The following EGF variants were observed in gnomAD, a reference collection of about 807,000 sequenced individuals.
EGF encodes epidermal growth factor.
Under a neutral mutation model 143.8 loss-of-function variants are expected in EGF, and 95 were observed. The ratio of observed to expected loss-of-function variants is 0.66; its 90% CI spans 0.56 to 0.78. The LOEUF is 0.78. Among genes scored for constraint, EGF ranks in the 30% least tolerant of loss-of-function variants. The probability of loss-of-function intolerance (pLI) is 0.00; values close to 1 mark genes in which losing one functional copy is unlikely to be tolerated. For missense variants in EGF, 1,320 were observed against 1,470.9 expected (o/e 0.90, Z 1.68); for synonymous variants, 510 against 510.5 (o/e 1.00, Z 0.01).
At chr4:109,986,782 A>C (rs1372383450) in intron 16 of EGF, among the ~76,000 whole-genome samples, 4 of 152,124 alleles carry the variant, frequency 2.6e-5, no homozygotes, top group Non-Finnish European at 5.9e-5. Flanking sequence ...TTATGGCTCA[A>C]CATATAACTC....
At chr4:110,002,327 A>C (rs1228672758) in intron 21 of EGF, among the ~76,000 whole-genome samples, 2 of 152,122 alleles carry the variant, frequency 1.3e-5, no homozygotes, top group African/African-American at 2.4e-5. Flanking sequence ...CCCTGCCTCT[A>C]CTAAAATTAC....
intron 23 of EGF, among the ~76,000 whole-genome samples, chr4:110,008,835 G>A (rs927254238): frequency 3.9e-5 from 6 of 152,290 alleles, no homozygotes; most frequent in South Asian, 4.1e-4. Flanking sequence ...ACCCTTAAGA[G>A]TTGTATTATG....
chr4:110,006,293 T>C (rs980382036), intron 22 of EGF, among the ~76,000 whole-genome samples: 4 of 151,620 alleles, frequency 2.6e-5, no homozygotes, highest in Admixed American at 2.0e-4. Flanking sequence ...TGCAGTGAGC[T>C]ATGATAGCAC....
chr4:110,011,261 C>A lies in EGF; in HGVS notation c.3430C>A (p.Gln1144Lys), dbSNP rs777195383. 2.5e-6 allele frequency: 4 copies of A among 1,614,144 alleles called. No homozygotes were observed. The highest frequency in any genetic ancestry group is 3.4e-6 in the Non-Finnish European group (4 of 1,180,018). Residue 1144 changes from glutamine to lysine, a missense_variant, in exon 24 of 24, where the codon CAA becomes AAA. By Grantham distance (53) the Gln-to-Lys change is moderately conservative. This residue lies in a region of EGF where 1,186 missense variants were observed against 1,313.7 expected (regional missense o/e 0.90). Coordinates refer to ENST00000265171, the MANE Select transcript of EGF (RefSeq NM_001963.6). ...EPQLCGMGTEQGCWIPVSSDK... is the reference protein window; with the variant it reads ...EPQLCGMGTEKGCWIPVSSDK... The stretch of plus-strand genomic sequence containing the variant: ...CCAGTTATGTGGAATGGGCACAGAG[C>A]AAGGCTGCTGGATTCCAGTATCCAG...
chr4:109,950,740 G>A (rs538744171), intron 5 of EGF, among the ~76,000 whole-genome samples: 13 of 152,046 alleles, frequency 8.6e-5, no homozygotes, highest in Admixed American at 2.0e-4. Context: ...TGCCACCTCC[G>A]TCCCTTCACC....
intron 1 of EGF, among the ~76,000 whole-genome samples, chr4:109,920,497 G>A (rs1412273306): frequency 6.6e-6 from 1 of 151,484 alleles, no homozygotes; most frequent in Non-Finnish European, 1.5e-5. Context: ...GCAGGCCCTG[G>A]AATCTCTCAG....
intron 14 of EGF, 123 bp downstream of exon 14, chr4:109,980,262 A>C: frequency 4.9e-6 from 5 of 1,021,722 alleles, no homozygotes; most frequent in Non-Finnish European, 6.9e-6. Context: ...AACTGTGTAG[A>C]TGTTAAGATT....
chr4:109,927,827 G>A (rs1738992441), intron 1 of EGF, among the ~76,000 whole-genome samples: 2 of 150,666 alleles, frequency 1.3e-5, no homozygotes, highest in Admixed American at 1.3e-4. Context: ...GTGTGTGTGT[G>A]TGTGTGTGTG....
intron 1 of EGF, among the ~76,000 whole-genome samples, chr4:109,926,245 C>T (rs7699332): frequency 0.13 from 19,734 of 151,728 alleles, 1,886 homozygotes; most frequent in African/African-American, 0.26. Flanking sequence ...CTTGGCTTTT[C>T]GGAAGGCTGA....
intron 5 of EGF, among the ~76,000 whole-genome samples, chr4:109,953,600 A>G (rs1744293763): frequency 6.6e-6 from 1 of 152,202 alleles, no homozygotes; most frequent in Non-Finnish European, 1.5e-5. Context: ...AAAGTCATGG[A>G]TTTTTAAAAA....
intron 5 of EGF, among the ~76,000 whole-genome samples, chr4:109,947,176 A>G (rs370421242): frequency 3.0e-5 from 3 of 100,018 alleles, no homozygotes; most frequent in African/African-American, 2.4e-4. Context: ...CAAGGGGCCT[A>G]CAGAAAAAAA....
rs1431005496 is a variant in EGF, at chr4:109,943,987, T to C, written c.655T>C (p.Tyr219His). 2 of 1,614,178 alleles carry C rather than the reference T, an allele frequency of 1.2e-6. No homozygotes were observed. Among genetic ancestry groups the C allele is most frequent in the Middle Eastern group, 1.6e-4 (1 of 6,062 alleles). The stretch of plus-strand genomic sequence containing the variant: ...TGATAAGCGGCTGTTTTGGATTCAG[T>C]ACAACAGAGAAGGAAGCAATTCTCT... ...VLDKRLFWIQ[Y>H]NREGSNSLIC... The change falls in exon 4 of 24, where the codon TAC (tyrosine) becomes CAC (histidine). Residue 219 changes from tyrosine (Y) to histidine (H), a missense_variant. Around this residue, in one of 5 missense-constraint regions of EGF, gnomAD observed 1,186 missense variants for 1,313.7 expected, o/e 0.90. Coordinates refer to ENST00000265171, the MANE Select transcript of EGF (RefSeq NM_001963.6).
At chr4:109,969,199 T>A in intron 11 of EGF, 80 bp downstream of exon 11, 3 of 1,589,366 alleles carry the variant, frequency 1.9e-6, no homozygotes, top group Non-Finnish European at 2.6e-6. Context: ...ATCTTCCACT[T>A]TGAACACAGA....
At chr4:109,947,576 A>G (rs1044189520) in intron 5 of EGF, among the ~76,000 whole-genome samples, 9 of 151,978 alleles carry the variant, frequency 5.9e-5, no homozygotes, top group African/African-American at 2.2e-4. Context: ...TAGATAGTCT[A>G]CATATAAAGG....
At chr4:110,001,699 A>G (rs1752592646) in intron 21 of EGF, 1 of 985,340 alleles carries the variant, frequency 1.0e-6, no homozygotes, top group Admixed American at 6.1e-5. Context: ...TTGGAATTCA[A>G]AGACCAGCTC....
At chr4:109,995,914 C>A (rs180989904) in intron 20 of EGF, among the ~76,000 whole-genome samples, 1 of 152,268 alleles carries the variant, frequency 6.6e-6, no homozygotes. Flanking sequence ...TGAAAAATTG[C>A]TCATGAATAC....
chr4:109,961,553 G>T (rs906017596), intron 7 of EGF, among the ~76,000 whole-genome samples: 9 of 151,596 alleles, frequency 5.9e-5, no homozygotes, highest in African/African-American at 1.9e-4. Flanking sequence ...TAACTATTGG[G>T]TACTACATTT....
intron 5 of EGF, among the ~76,000 whole-genome samples, chr4:109,948,216 A>G (rs944601794): frequency 1.3e-5 from 2 of 152,252 alleles, no homozygotes; most frequent in African/African-American, 4.8e-5. Context: ...GACAGTTGGC[A>G]TTGGAGATTG....
chr4:109,914,281 A>G (rs1736211800), intron 1 of EGF, among the ~76,000 whole-genome samples: 1 of 151,648 alleles, frequency 6.6e-6, no homozygotes, highest in Admixed American at 6.5e-5. Context: ...ATGAGAGGTT[A>G]TAGCTGCCCC....
Sources: gnomAD v4.1 joint callset for allele counts (sites outside exome capture counted in the v4.1 genomes callset) on GRCh38, gnomAD v4.1.1 for gene constraint, gnomAD v4.1.1 regional missense constraint, MANE v1.5 for transcripts, NCBI Gene and HGNC (gene_info 2026-07-23, HGNC 2026-07-21) for gene names.